The following EYS variants were observed in gnomAD, a reference collection of about 807,000 sequenced individuals.
EYS encodes the protein protein eyes shut homolog.
EYS carries 250 observed loss-of-function variants against 282.1 expected under a neutral mutation model. The ratio of observed to expected loss-of-function variants is 0.89; its 90% CI spans 0.80 to 0.98. The LOEUF is 0.98. EYS is among the 50% of genes least tolerant of loss of function. EYS has a pLI of 0.00. For synonymous variants in EYS, 1,355 were observed against 1,282.9 expected, an observed-to-expected ratio of 1.06 and a Z score of -1.20; for missense variants, 4,016 against 3,709.0, an observed-to-expected ratio of 1.08 and a Z score of -2.15.
intron 5 of EYS, among the ~76,000 whole-genome samples, chr6:65,406,337 G>A (rs998042777): frequency 2.0e-5 from 3 of 152,020 alleles, no homozygotes; most frequent in African/African-American, 7.2e-5. Context: ...AGTCCTTTAT[G>A]ATATACGTGA....
At chr6:63,865,953 T>A (rs960519575) in intron 35 of EYS, among the ~76,000 whole-genome samples, 2 of 152,210 alleles carry the variant, frequency 1.3e-5, no homozygotes, top group African/African-American at 2.4e-5. Context: ...ATAAGGCTTA[T>A]CCTGTAAGTA....
chr6:64,793,957 T>C (rs984689818), intron 22 of EYS, among the ~76,000 whole-genome samples: 1 of 152,190 alleles, frequency 6.6e-6, no homozygotes, highest in Non-Finnish European at 1.5e-5. Flanking sequence ...TTATTTTGCA[T>C]AACAAAAACT....
At chr6:64,857,404 A>G (rs1766098037) in intron 19 of EYS, among the ~76,000 whole-genome samples, 1 of 152,110 alleles carries the variant, frequency 6.6e-6, no homozygotes, top group African/African-American at 2.4e-5. Context: ...CTCCAGTTTC[A>G]TCCATTTTAT....
chr6:64,392,913 C>G (rs1391244281), intron 28 of EYS, among the ~76,000 whole-genome samples: 2 of 151,976 alleles, frequency 1.3e-5, no homozygotes, highest in Non-Finnish European at 2.9e-5. Context: ...AGAGAAGAAT[C>G]AAATAGACGC....
rs1338456463 is a variant in EYS at position 64,591,214 on chromosome 6, T to A, written c.4653A>T (p.Glu1551Asp). 1.9e-6 allele frequency: 3 copies of A among 1,551,314 alleles called. No individual in the cohort carries two copies. The African/African-American group carries it at 4.1e-5, about 21-fold the overall frequency. Residue 1551 changes from glutamate (E) to aspartate (D), a missense_variant, in exon 26 of 43, where the codon GAA (glutamate) becomes GAT (aspartate). Physicochemically the swap from Glu to Asp is conservative, Grantham distance 45. Coordinates refer to ENST00000503581, the MANE Select transcript of EYS (RefSeq NM_001142800.2). The part of the protein sequence containing the change: ...IKSQAADSLR[E>D]LSQTCATCSM... ...AACATGTTGCACATGTTTGGCTTAA[T>A]TCTCTTAAAGAATCAGCAGCCTGTG...
chr6:64,344,814 C>CA (rs1340520908), intron 29 of EYS, among the ~76,000 whole-genome samples: 2 of 151,996 alleles, frequency 1.3e-5, no homozygotes, highest in African/African-American at 4.8e-5. Context: ...GGTCTCAGCC[C>CA]AAAATCTCTT....
chr6:64,161,698 G>A (rs1017826540), intron 31 of EYS, among the ~76,000 whole-genome samples: 2 of 152,052 alleles, frequency 1.3e-5, no homozygotes, highest in African/African-American at 4.8e-5. Flanking sequence ...TTTAAAGAAT[G>A]TTTCATTAGA....
intron 2 of EYS, among the ~76,000 whole-genome samples, chr6:65,552,673 A>G (rs1262069587): frequency 6.6e-6 from 1 of 152,190 alleles, no homozygotes; most frequent in African/African-American, 2.4e-5. Context: ...ATGCCCAGGA[A>G]CAAATGGATA....
intron 31 of EYS, among the ~76,000 whole-genome samples, chr6:64,190,745 G>T (rs564477013): frequency 1.2e-3 from 182 of 152,220 alleles, no homozygotes; most frequent in African/African-American, 4.2e-3. Flanking sequence ...ATGTGTTAGG[G>T]TAGGATCATA....
chr6:64,897,894 C>T (rs963613213), intron 18 of EYS, among the ~76,000 whole-genome samples: 1 of 151,928 alleles, frequency 6.6e-6, no homozygotes, highest in Non-Finnish European at 1.5e-5. Context: ...AGCAAGAAGA[C>T]AAGATTAGAG....
rs764660668 is a variant in EYS at position 64,665,347 on chromosome 6, G to T, written c.3444-39102C>A. ...AATTTAATTGTTGTAAGTGCTTTGA[G>T]TAAGGGATTTATCCAAAATTGGATT... On this transcript the variant is annotated intron_variant, in intron 22 of 42. Coordinates refer to ENST00000503581, the MANE Select transcript of EYS (RefSeq NM_001142800.2). Among the ~76,000 whole-genome samples the T allele has an allele frequency of 8.3e-4, 126 of 152,190 alleles. 2 individuals carry two copies. The highest frequency in any genetic ancestry group is 2.9e-4 in the Non-Finnish European group (20 of 68,018).
chr6:65,134,541 A>G (rs1235732949), intron 12 of EYS, among the ~76,000 whole-genome samples: 1 of 152,118 alleles, frequency 6.6e-6, no homozygotes, highest in African/African-American at 2.4e-5. Flanking sequence ...GGGGAAGCCA[A>G]ATGATGAGAA....
At chr6:64,120,129 C>T (rs930135873) in intron 31 of EYS, among the ~76,000 whole-genome samples, 1 of 151,058 alleles carries the variant, frequency 6.6e-6, no homozygotes, top group Non-Finnish European at 1.5e-5. Flanking sequence ...GGGCAGATCA[C>T]GAGGTCAGGA....
intron 29 of EYS, among the ~76,000 whole-genome samples, chr6:64,375,858 A>C (rs1772545940): frequency 6.6e-6 from 1 of 152,244 alleles, no homozygotes; most frequent in Non-Finnish European, 1.5e-5. Flanking sequence ...CACAATCTCA[A>C]ACAACAGAAA....
chr6:64,886,975 T>C, intron 18 of EYS, 133 bp from the exon 19 acceptor site: 2 of 658,758 alleles, frequency 3.0e-6, no homozygotes, highest in Non-Finnish European at 4.7e-6. Context: ...TTTCATTTTT[T>C]TCTTTGAAAA....
chr6:65,661,436 G>C (rs1162657345), intron 1 of EYS, among the ~76,000 whole-genome samples: 2 of 151,796 alleles, frequency 1.3e-5, no homozygotes, highest in African/African-American at 4.8e-5. Flanking sequence ...TTTGCACAAG[G>C]CTATGCTACA....
In EYS at chr6:64,626,252, A is replaced by T. The variant is rs1266219689; in HGVS notation, c.3444-7T>A. 11 of 1,509,330 alleles carry T rather than the reference A, an allele frequency of 7.3e-6. No homozygotes were observed. The highest frequency in any genetic ancestry group is 9.7e-6 in the Non-Finnish European group (11 of 1,132,034). 93.5% of individuals were successfully genotyped at this position (1,509,330 alleles called of 1,614,324 possible). A position where few individuals can be genotyped will look rare whatever the true frequency, so the allele number is the denominator to read the frequency against. On this transcript the variant is annotated splice_region_variant and splice_polypyrimidine_tract_variant and intron_variant, in intron 22 of 42. Transcript: ENST00000503581. ...AGAAAATCCAGGAAGACATCTAAGG[A>T]AAAAAAATGAAAACGATATTTGTAT...
intron 1 of EYS, among the ~76,000 whole-genome samples, chr6:65,690,595 A>G (rs1399619382): frequency 6.7e-6 from 1 of 150,030 alleles, no homozygotes; most frequent in African/African-American, 2.4e-5. Flanking sequence ...GTCTTAACAC[A>G]ATCCTGCATG....
At chr6:64,459,699 C>A (rs1029759790) in intron 26 of EYS, among the ~76,000 whole-genome samples, 3 of 152,144 alleles carry the variant, frequency 2.0e-5, no homozygotes, top group African/African-American at 7.2e-5. Context: ...AAGATGAATG[C>A]TGGAAGACTG....
Sources: gnomAD v4.1 joint callset for allele counts (sites outside exome capture counted in the v4.1 genomes callset) on GRCh38, gnomAD v4.1.1 for gene constraint, MANE v1.5 for transcripts, NCBI Gene and HGNC (gene_info 2026-07-23, HGNC 2026-07-21) for gene names.